GPR108: variants seen among roughly 807,000 people sequenced by gnomAD.
GPR108 encodes the protein G protein-coupled receptor 108.
Under a neutral mutation model 74.3 loss-of-function variants are expected in GPR108, and 60 were observed. That is an observed-to-expected ratio of 0.81 (90% CI 0.66 to 1.00). GPR108 has a LOEUF of 1.00. GPR108 is among the 50% of genes least tolerant of loss of function. The pLI is 0.00. For missense variants in GPR108, 667 were observed against 703.3 expected, an observed-to-expected ratio of 0.95 and a Z score of 0.58; for synonymous variants, 311 against 292.4, an observed-to-expected ratio of 1.06 and a Z score of -0.65.
In GPR108 at chr19:6,731,085, G is replaced by A; in HGVS notation, c.1461C>T (p.Ala487=). Residue 487 remains alanine, a synonymous_variant, in exon 17 of 18, where the codon GCC becomes GCT. Coordinates refer to ENST00000264080, the MANE Select transcript of GPR108 (RefSeq NM_001080452.2). ...YQLLVEGSTL[A]FFVLTGYKFQ... ...ACTTGTAGCCCGTGAGCACGAAGAA[G>A]GCCAGGGTGGAGCCCTCCACCAAGA... 6.2e-7 allele frequency: 1 copy of A among 1,613,492 alleles called. No individual in the cohort carries two copies. The highest frequency in any genetic ancestry group is 8.5e-7 in the Non-Finnish European group (1 of 1,179,842).
Position 6,732,372 on chromosome 19 carries a change from C to A in GPR108, c.1016G>T (p.Gly339Val). Residue 339 changes from glycine to valine, a missense_variant, in exon 12 of 18, where the codon GGC becomes GTC. Transcript: ENST00000264080. ...VMYYIAHLLK[G>V]ALLFITIALI... ...GGCGATGGTGATGAAGAGGAGGGCGCCCTTCAGCCTGAAGGAGCAGGGGAG... is the reference window on the plus strand; with the variant it reads ...GGCGATGGTGATGAAGAGGAGGGCGACCTTCAGCCTGAAGGAGCAGGGGAG... The A allele has an allele frequency of 1.9e-6, 3 of 1,613,558 alleles. No individual in the cohort carries two copies. Among genetic ancestry groups the A allele is most frequent in the Non-Finnish European group, 2.5e-6 (3 of 1,180,024 alleles).
At position 6,737,461 on chromosome 19, in the gene GPR108, A is replaced by G. The variant is rs1171139319; in HGVS notation, c.116T>C (p.Leu39Pro). ...CCCTCGCGCGGCGGGCCTCACCGTC[A>G]GCGCCAGCTGGTGGATGCGCCCGGA... ...GCSGRIHQLA[L>P]TGEKRADIQL... The change falls in exon 1 of 18, where the codon CTG becomes CCG. Residue 39 changes from leucine to proline, a missense_variant. Transcript: ENST00000264080. 6.3e-7 allele frequency: 1 copy of G among 1,585,196 alleles called. No individual in the cohort carries two copies. Among genetic ancestry groups the G allele is most frequent in the Non-Finnish European group, 8.5e-7 (1 of 1,174,310 alleles).
chr19:6,737,064 A>T, intron 1 of GPR108: 1 of 371,584 alleles, frequency 2.7e-6, no homozygotes, highest in Non-Finnish European at 5.0e-6. Context: ...TTTCAACAGA[A>T]CCCCCCAAAT....
Position 6,730,262 on chromosome 19 carries a change from G to A in GPR108, c.*50C>T, listed in dbSNP as rs763373884. 3.9e-6 allele frequency: 6 copies of A among 1,524,938 alleles called. No individual in the cohort carries two copies. The highest frequency in any genetic ancestry group is 5.5e-6 in the Non-Finnish European group (6 of 1,098,746). The allele number at this position is 1,524,938 out of a possible 1,614,324, so 94.5% of individuals were successfully genotyped here. A position where few individuals can be genotyped will look rare whatever the true frequency, so the allele number is the denominator to read the frequency against. Reference sequence around the variant, plus strand: ...CATACGCTGTGGAAGAAGGGCAGGAGTGAGAAATGCTGGGGGAGGACGACC... The same window carrying A: ...CATACGCTGTGGAAGAAGGGCAGGAATGAGAAATGCTGGGGGAGGACGACC... On this transcript the variant is annotated 3_prime_UTR_variant, in exon 18 of 18. Coordinates refer to ENST00000264080, the MANE Select transcript of GPR108 (RefSeq NM_001080452.2).
Position 6,732,327 on chromosome 19 carries a change from G to T in GPR108, c.1061C>A (p.Ala354Asp), listed in dbSNP as rs568270257. ...ITIALIGSGW[A>D]FIKYVLSDKE... Reference sequence around the variant, plus strand: ...ATCCGACAGGACGTACTTGATGAAGGCCCAGCCTGAGCCAATCAGGGCGAT... The same window carrying T: ...ATCCGACAGGACGTACTTGATGAAGTCCCAGCCTGAGCCAATCAGGGCGAT... The change falls in exon 12 of 18, where the codon GCC becomes GAC. Residue 354 changes from alanine (A) to aspartate (D), a missense_variant. Transcript: ENST00000264080. 4.2e-5 allele frequency: 67 copies of T among 1,613,400 alleles called. No homozygotes were observed. The Middle Eastern group carries it at 6.6e-4, about 16-fold the overall frequency.
chr19:6,730,129 C>G lies in GPR108; in HGVS notation c.*183G>C. 3.2e-6 allele frequency: 2 copies of G among 626,232 alleles called. No homozygotes were observed. The highest frequency in any genetic ancestry group is 2.9e-6 in the Non-Finnish European group (1 of 343,166). The allele number at this position is 626,232 out of a possible 1,614,324, so 38.8% of individuals were successfully genotyped here. A position where few individuals can be genotyped will look rare whatever the true frequency, so the allele number is the denominator to read the frequency against. The stretch of plus-strand genomic sequence containing the variant: ...GGTCCCGGGGTAAGGACAGGGCTGC[C>G]CAATATTTGGGGGGAGGAAGGGACT... On this transcript the variant is annotated 3_prime_UTR_variant, in exon 18 of 18. Transcript: ENST00000264080.
chr19:6,737,079 T>C, intron 1 of GPR108: 1 of 373,018 alleles, frequency 2.7e-6, no homozygotes, highest in Non-Finnish European at 5.0e-6. Context: ...CCAAATCCCA[T>C]TAAGTGCCCA....
Position 6,730,971 on chromosome 19 carries a change from A to C in GPR108, c.1559+16T>G. The stretch of plus-strand genomic sequence containing the variant: ...ACCCCCAGAGCCGCCGGCCCTGCCC[A>C]TGGTGCCCAGCTCACACTTGCTCCA... On this transcript the variant is annotated intron_variant, in intron 17 of 17. Transcript: ENST00000264080. The C allele has an allele frequency of 8.1e-7, 1 of 1,231,558 alleles. No individual in the cohort carries two copies. The highest frequency in any genetic ancestry group is 1.0e-6 in the Non-Finnish European group (1 of 957,478). The allele number at this position is 1,231,558 out of a possible 1,614,324, so 76.3% of individuals were successfully genotyped here. A position where few individuals can be genotyped will look rare whatever the true frequency, so the allele number is the denominator to read the frequency against.
At position 6,733,174 on chromosome 19, in the gene GPR108, C is replaced by T. The variant is rs780346640; in HGVS notation, c.851G>A (p.Arg284Lys). Residue 284 changes from arginine (R) to lysine (K), a missense_variant, in exon 9 of 18, where the codon AGG (arginine) becomes AAG (lysine). By Grantham distance (26) the Arg-to-Lys change is conservative (BLOSUM62 2). Transcript: ENST00000264080. The stretch of plus-strand genomic sequence containing the variant: ...TCAGGGGCAGGGGCATTACGTGTTC[C>T]TGCAGAGGATGGACACCCAGAAGAT... ...AGIFWVSILC[R>K]NTYSVFKIHW... is the part of the protein sequence containing the mutation. 3 of 1,614,068 alleles carry T rather than the reference C, an allele frequency of 1.9e-6. No individual in the cohort carries two copies. The South Asian group carries it at 3.3e-5, about 18-fold the overall frequency.
At chr19:6,734,697 ATGCT>A (rs1469115735) in intron 4 of GPR108, among the ~76,000 whole-genome samples, 1 of 151,960 alleles carries the variant, frequency 6.6e-6, no homozygotes, top group Non-Finnish European at 1.5e-5. Flanking sequence ...GCACACCATC[ATGCT>A]TGGCTAATTT....
intron 17 of GPR108, 72 bp downstream of exon 17, chr19:6,730,915 C>T: frequency 1.5e-6 from 2 of 1,312,450 alleles, no homozygotes; most frequent in Non-Finnish European, 2.1e-6. Context: ...CCCTGCCCAC[C>T]CTGCCCGTAG....
In GPR108 at chr19:6,731,598, A is replaced by T. The variant is rs944476043; in HGVS notation, c.1301-76T>A. ...AGGGGAGGGGGCTGGGGGCTGGGAG[A>T]GGTGACAAACAGAACATCTGAGGGA... On this transcript the variant is annotated intron_variant, in intron 14 of 17. Coordinates refer to ENST00000264080, the MANE Select transcript of GPR108 (RefSeq NM_001080452.2). The T allele has an allele frequency of 1.8e-5, 20 of 1,088,398 alleles. No individual in the cohort carries two copies. The African/African-American group carries it at 3.1e-4, about 17-fold the overall frequency. 67.4% of individuals were successfully genotyped at this position (1,088,398 alleles called of 1,614,324 possible). A position where few individuals can be genotyped will look rare whatever the true frequency, so the allele number is the denominator to read the frequency against.
chr19:6,734,594 C>T (rs1259045441), intron 4 of GPR108, among the ~76,000 whole-genome samples: 1 of 152,144 alleles, frequency 6.6e-6, no homozygotes, highest in Non-Finnish European at 1.5e-5. Flanking sequence ...CAAGCTGGAG[C>T]GCTGTAGTGC....
Position 6,735,663 on chromosome 19 carries a change from GCTA to G in GPR108, c.330_332del (p.Ser112del). ...TGATGAGGAACAGGACCAGGAAACTGCTACTGTTTTTCTGGAGAGGGCAGTCCT... is the reference window on the plus strand; with the variant it reads ...TGATGAGGAACAGGACCAGGAAACTGCTGTTTTTCTGGAGAGGGCAGTCCT... On this transcript the variant is annotated inframe_deletion, in exon 4 of 18. Transcript: ENST00000264080. 1.2e-6 allele frequency: 2 copies of G among 1,614,116 alleles called. No homozygotes were observed. The highest frequency in any genetic ancestry group is 1.7e-6 in the Non-Finnish European group (2 of 1,180,024).
intron 1 of GPR108, 189 bp from the exon 2 acceptor site, chr19:6,736,900 CCT>C: frequency 1.3e-6 from 1 of 744,404 alleles, no homozygotes; most frequent in Non-Finnish European, 2.1e-6. Flanking sequence ...CATTCTCCGA[CCT>C]CTGTTCTGAG....
At chr19:6,733,753 G>A (rs1968518942) in intron 7 of GPR108, 79 bp from the exon 8 acceptor site, 1 of 1,579,044 alleles carries the variant, frequency 6.3e-7, no homozygotes, top group Non-Finnish European at 8.7e-7. Flanking sequence ...GGGTCCCATG[G>A]TCTGGGGCGA....
intron 14 of GPR108, 129 bp from the exon 15 acceptor site, chr19:6,731,651 G>T: frequency 1.1e-6 from 1 of 889,392 alleles, no homozygotes. Context: ...GTCTCGAGGG[G>T]ACATTAGGTG....
At position 6,735,555 on chromosome 19, in the gene GPR108, G is replaced by A; in HGVS notation, c.374+67C>T. 2.2e-6 allele frequency: 3 copies of A among 1,346,098 alleles called. No homozygotes were observed. The South Asian group carries it at 3.5e-5, about 16-fold the overall frequency. 83.4% of individuals were successfully genotyped at this position (1,346,098 alleles called of 1,614,324 possible). A position where few individuals can be genotyped will look rare whatever the true frequency, so the allele number is the denominator to read the frequency against. On this transcript the variant is annotated intron_variant, in intron 4 of 17. Coordinates refer to ENST00000264080, the MANE Select transcript of GPR108 (RefSeq NM_001080452.2). ...CTCATCCCACCTGATCAGCCCAGGT[G>A]CGTGTGGGCATCACACCAGGGAAAC...
At chr19:6,730,947 C>T (rs780725361) in intron 17 of GPR108, 40 bp downstream of exon 17, 2 of 1,585,292 alleles carry the variant, frequency 1.3e-6, no homozygotes, top group East Asian at 2.3e-5. Context: ...CCCTACTCCA[C>T]CCCCAGAGCC....
Sources: allele counts gnomAD v4.1 joint callset (sites outside exome capture counted in the v4.1 genomes callset), GRCh38; gene constraint gnomAD v4.1.1; transcripts MANE v1.5; gene names NCBI Gene and HGNC (gene_info 2026-07-23, HGNC 2026-07-21).